PSD3: variants seen among roughly 807,000 people sequenced by gnomAD.
The protein encoded by PSD3 is PH and SEC7 domain-containing protein 3.
PSD3 carries 49 observed loss-of-function variants against 105.5 expected under a neutral mutation model. The ratio of observed to expected loss-of-function variants is 0.46; its 90% CI spans 0.37 to 0.59. PSD3 has a LOEUF of 0.59. Ranked by LOEUF, PSD3 falls within the 20% of genes least tolerant of loss-of-function variation. The pLI is 0.00. For missense variants in PSD3, 1,561 were observed against 1,263.8 expected (o/e 1.24, Z -3.57); for synonymous variants, 557 against 457.8 (o/e 1.22, Z -2.77).
In PSD3 at chr8:18,784,826, C is replaced by T. The variant is rs76776839; in HGVS notation, c.2082+14469G>A. Among the ~76,000 whole-genome samples, 720 of 152,286 alleles carry T rather than the reference C, an allele frequency of 4.7e-3. 22 individuals are homozygous for T. The highest frequency in any genetic ancestry group is 0.035 in the Admixed American group (534 of 15,302). ...TGTACTTGCCAACCTCAAAGCTCTC[C>T]AAACCCCATACTTTGGGTTTTTACA... On this transcript the variant is annotated intron_variant, in intron 8 of 15. Coordinates refer to ENST00000327040, the MANE Select transcript of PSD3 (RefSeq NM_015310.4).
chr8:19,076,654 T>C (rs1829471301), intron 1 of PSD3, among the ~76,000 whole-genome samples: 1 of 152,204 alleles, frequency 6.6e-6, no homozygotes, highest in Non-Finnish European at 1.5e-5. Flanking sequence ...AAATGCTCAT[T>C]AGAAAAGTTT....
At chr8:18,917,425 G>T (rs987408528) in intron 2 of PSD3, among the ~76,000 whole-genome samples, 1 of 152,106 alleles carries the variant, frequency 6.6e-6, no homozygotes, top group Non-Finnish European at 1.5e-5. Flanking sequence ...GCTCTAACTA[G>T]AAGTCTTCCG....
intron 2 of PSD3, among the ~76,000 whole-genome samples, chr8:18,880,958 G>A (rs376361919): frequency 7.9e-5 from 12 of 152,316 alleles, no homozygotes; most frequent in African/African-American, 2.6e-4. Flanking sequence ...AAATGAAAAT[G>A]TAGTGTAGAG....
At chr8:18,661,805 G>A (rs1398020968) in intron 9 of PSD3, among the ~76,000 whole-genome samples, 8 of 152,324 alleles carry the variant, frequency 5.3e-5, no homozygotes, top group African/African-American at 1.7e-4. Flanking sequence ...TTAGGGAGAA[G>A]TACATACAGA....
chr8:18,871,903 C>A lies in PSD3; in HGVS notation c.961G>T (p.Asp321Tyr). The change falls in exon 3 of 16, where the codon GAT becomes TAT. Residue 321 changes from aspartate (D) to tyrosine (Y), a missense_variant. Coordinates refer to ENST00000327040, the MANE Select transcript of PSD3 (RefSeq NM_015310.4). ...GTTCTTTGCAGTGATGTCTCAAAATCTATAGGATGCTGGGTCTCTCTCTTG... is the reference window on the plus strand; with the variant it reads ...GTTCTTTGCAGTGATGTCTCAAAATATATAGGATGCTGGGTCTCTCTCTTG... ...GDKRETQHPI[D>Y]FETSLQRTAS... The A allele has an allele frequency of 6.2e-7, 1 of 1,614,206 alleles. No homozygotes were observed. Among genetic ancestry groups the A allele is most frequent in the Admixed American group, 1.7e-5 (1 of 60,030 alleles).
intron 15 of PSD3, among the ~76,000 whole-genome samples, chr8:18,547,098 A>G (rs1047980695): frequency 6.6e-6 from 1 of 152,084 alleles, no homozygotes; most frequent in Non-Finnish European, 1.5e-5. Flanking sequence ...CTGAGTCCAC[A>G]GTTGTTCCTG....
chr8:18,626,836 A>C (rs1806517014), intron 11 of PSD3, among the ~76,000 whole-genome samples: 1 of 152,138 alleles, frequency 6.6e-6, no homozygotes. Flanking sequence ...GACGGGAAGG[A>C]AACGAAAGCT....
intron 12 of PSD3, among the ~76,000 whole-genome samples, chr8:18,586,027 C>A (rs1371161826): frequency 1.3e-5 from 2 of 151,994 alleles, no homozygotes; most frequent in African/African-American, 4.8e-5. Flanking sequence ...GAGAGCGATC[C>A]CCAGCCTAAC....
intron 12 of PSD3, among the ~76,000 whole-genome samples, chr8:18,576,873 T>A (rs1585285004): frequency 6.7e-6 from 1 of 149,460 alleles, no homozygotes; most frequent in East Asian, 2.0e-4. Context: ...AAGGTTAGCC[T>A]AGAAATTTGT....
chr8:18,859,265 A>C (rs1270728112), intron 4 of PSD3, among the ~76,000 whole-genome samples: 3 of 146,204 alleles, frequency 2.1e-5, no homozygotes, highest in African/African-American at 5.1e-5. Context: ...AGGTCTTAAT[A>C]GTGGGCTTAA....
At chr8:18,882,841 A>G (rs1231953285) in intron 2 of PSD3, among the ~76,000 whole-genome samples, 1 of 151,754 alleles carries the variant, frequency 6.6e-6, no homozygotes, top group African/African-American at 2.4e-5. Context: ...TTATGTAGAT[A>G]TATATACACA....
intron 15 of PSD3, 76 bp from the exon 16 acceptor site, chr8:18,536,034 C>T: frequency 7.3e-7 from 1 of 1,376,760 alleles, no homozygotes. Context: ...TTGTGTATTA[C>T]CCACCTGGAG....
At position 18,656,956 on chromosome 8, in the gene PSD3, G is replaced by A. The variant is rs557219800; in HGVS notation, c.2173-1271C>T. Among the ~76,000 whole-genome samples the A allele has an allele frequency of 2.0e-5, 3 of 152,228 alleles. No individual in the cohort carries two copies. The South Asian group carries it at 6.2e-4, about 32-fold the overall frequency. On this transcript the variant is annotated intron_variant, in intron 9 of 15. Transcript: ENST00000327040. ...ATTTCTAAGGTACAAAACCACAAGA[G>A]CAAATTATATTTAACAAAAGAACGG...
At chr8:18,918,979 CT>C (rs151056793) in intron 2 of PSD3, among the ~76,000 whole-genome samples, 3,234 of 152,182 alleles carry the variant, frequency 0.021, 93 homozygotes, top group East Asian at 0.096. Flanking sequence ...TCACCAGGCT[CT>C]ACAATTTCCT....
Position 18,979,886 on chromosome 8 carries a change from T to C in PSD3, c.21+33677A>G, listed in dbSNP as rs1200976177. ...AAAGTGGTTTTTATTTCTTCTCTGCTGTGGAAACAAACCTCCAAATCATTG... is the reference window on the plus strand; with the variant it reads ...AAAGTGGTTTTTATTTCTTCTCTGCCGTGGAAACAAACCTCCAAATCATTG... On this transcript the variant is annotated intron_variant, in intron 1 of 15. Transcript: ENST00000327040. The C allele has an allele frequency of 2.6e-5, 4 of 152,246 alleles. No homozygotes were observed. In the East Asian group the frequency reaches 5.8e-4, roughly 22 times the overall value. 9.4% of individuals were successfully genotyped at this position (152,246 alleles called of 1,614,324 possible).
At chr8:18,762,599 T>C (rs561583586) in intron 9 of PSD3, among the ~76,000 whole-genome samples, 105 of 152,314 alleles carry the variant, frequency 6.9e-4, no homozygotes, top group African/African-American at 2.5e-3. Flanking sequence ...CATATCCATA[T>C]CTTACACTGT....
Position 18,535,534 on chromosome 8 carries a change from C to T in PSD3, c.*209G>A. ...CCTCCTCACAGAAAAGGTGCATTAG[C>T]TATCAAGTTGCAAAAATCATCAAAG... On this transcript the variant is annotated 3_prime_UTR_variant, in exon 16 of 16. Transcript: ENST00000327040. 1.8e-6 allele frequency: 1 copy of T among 564,848 alleles called. No homozygotes were observed. The highest frequency in any genetic ancestry group is 3.2e-6 in the Non-Finnish European group (1 of 317,374). The allele number at this position is 564,848 out of a possible 1,614,324, so 35.0% of individuals were successfully genotyped here. A position where few individuals can be genotyped will look rare whatever the true frequency, so the allele number is the denominator to read the frequency against.
chr8:18,620,629 G>C (rs1585411889), intron 11 of PSD3, among the ~76,000 whole-genome samples: 1 of 152,256 alleles, frequency 6.6e-6, no homozygotes, highest in Middle Eastern at 3.4e-3. Context: ...GGGACTGCTT[G>C]AGCCTGGGAG....
At chr8:19,055,428 T>C (rs958727100) in intron 1 of PSD3, among the ~76,000 whole-genome samples, 5 of 152,162 alleles carry the variant, frequency 3.3e-5, no homozygotes, top group Admixed American at 1.3e-4. Context: ...TAATTGTGTA[T>C]TTTTAGTAGA....
Sources: allele counts gnomAD v4.1 joint callset (sites outside exome capture counted in the v4.1 genomes callset), GRCh38; gene constraint gnomAD v4.1.1; transcripts MANE v1.5; gene names NCBI Gene and HGNC (gene_info 2026-07-23, HGNC 2026-07-21).